The following QRICH1 variants were observed in gnomAD, a reference collection of about 807,000 sequenced individuals.
QRICH1 encodes transcriptional regulator QRICH1.
In QRICH1, 16 loss-of-function variants were observed where a neutral mutation model predicts 87.1. The observed-to-expected ratio is 0.18, with a 90% CI of 0.12 to 0.28. QRICH1 has a LOEUF of 0.28. QRICH1 is among the 10% of genes least tolerant of loss of function. The pLI, the probability that QRICH1 is intolerant of heterozygous loss-of-function variation, is 1.00. For synonymous variants in QRICH1, 367 were observed against 368.4 expected (o/e 1.00, Z 0.05); for missense variants, 647 against 951.7 (o/e 0.68, Z 4.21).
chr3:49,070,827 G>A (rs993547925), intron 2 of QRICH1, among the ~76,000 whole-genome samples: 1 of 152,072 alleles, frequency 6.6e-6, no homozygotes, highest in Admixed American at 6.6e-5. Context: ...TCTATCTCAT[G>A]GATGTCATTA....
Position 49,044,520 on chromosome 3 carries a change from T to G in QRICH1, c.1672-16A>C. 6.5e-7 allele frequency: 1 copy of G among 1,531,612 alleles called. No homozygotes were observed. Among genetic ancestry groups the G allele is most frequent in the Non-Finnish European group, 9.0e-7 (1 of 1,107,958 alleles). 94.9% of individuals were successfully genotyped at this position (1,531,612 alleles called of 1,614,324 possible). A position where few individuals can be genotyped will look rare whatever the true frequency, so the allele number is the denominator to read the frequency against. On this transcript the variant is annotated splice_polypyrimidine_tract_variant and intron_variant, in intron 5 of 9. Transcript: ENST00000395443. ...CAAAAAGATACTAAAAGAAAAACAA[T>G]TAATAGAAGTTATTGGTAGTCTCCT...
chr3:49,090,812 C>T (rs1261615274), intron 1 of QRICH1, among the ~76,000 whole-genome samples: 1 of 152,218 alleles, frequency 6.6e-6, no homozygotes, highest in African/African-American at 2.4e-5. Context: ...AATTTAATAA[C>T]AGAAATCACA....
intron 2 of QRICH1, among the ~76,000 whole-genome samples, chr3:49,068,757 T>G (rs1298125196): frequency 1.3e-5 from 2 of 151,190 alleles, no homozygotes; most frequent in African/African-American, 2.4e-5. Flanking sequence ...GCCTCCTGAG[T>G]AGCTGGGATC....
intron 2 of QRICH1, among the ~76,000 whole-genome samples, chr3:49,064,628 G>A (rs1265511833): frequency 1.3e-5 from 2 of 152,168 alleles, no homozygotes; most frequent in African/African-American, 4.8e-5. Context: ...CACTTTGGGA[G>A]GCCAAGGTGG....
At chr3:49,085,258 G>A (rs892285545) in intron 1 of QRICH1, among the ~76,000 whole-genome samples, 10 of 150,302 alleles carry the variant, frequency 6.7e-5, no homozygotes, top group African/African-American at 2.0e-4. Context: ...AAACTAAACC[G>A]GCCGAAAGAG....
At position 49,033,176 on chromosome 3, in the gene QRICH1, C is replaced by A; in HGVS notation, c.1839G>T (p.Gln613His). Residue 613 changes from glutamine to histidine, a missense_variant, in exon 7 of 10, where the codon CAG becomes CAT. Gln to His is a conservative substitution (Grantham distance 24, BLOSUM62 0). Around this residue, in one of 7 missense-constraint regions of QRICH1, gnomAD observed 187 missense variants for 309.5 expected, o/e 0.60. Coordinates refer to ENST00000395443, the MANE Select transcript of QRICH1 (RefSeq NM_198880.3). ...AGGTGGAGGGGGAGTGAGCCCCAAG[C>A]TGCTTGCACTCCCATAGCATCTCCT... The part of the protein sequence containing the change: ...VTEEMLWECK[Q>H]LGAHSPSTLL... 6.3e-7 allele frequency: 1 copy of A among 1,589,502 alleles called. No individual in the cohort carries two copies. Among genetic ancestry groups the A allele is most frequent in the Non-Finnish European group, 8.6e-7 (1 of 1,169,046 alleles).
intron 2 of QRICH1, among the ~76,000 whole-genome samples, chr3:49,065,259 C>T (rs1270561187): frequency 1.3e-5 from 2 of 151,872 alleles, no homozygotes; most frequent in East Asian, 3.9e-4. Flanking sequence ...ATTCTCCTGC[C>T]TCAGCCTCCC....
At chr3:49,089,502 AT>A (rs1231057401) in intron 1 of QRICH1, among the ~76,000 whole-genome samples, 1 of 152,198 alleles carries the variant, frequency 6.6e-6, no homozygotes, top group East Asian at 1.9e-4. Context: ...CCATCAGTAT[AT>A]ATGAAGGAAC....
intron 6 of QRICH1, among the ~76,000 whole-genome samples, chr3:49,036,974 G>C (rs1209281301): frequency 2.0e-5 from 3 of 151,300 alleles, no homozygotes; most frequent in Non-Finnish European, 2.9e-5. Flanking sequence ...TGAGGTGGGA[G>C]GATCGCTTGG....
At chr3:49,076,663 A>G in intron 2 of QRICH1, 46 bp downstream of exon 2, 1 of 1,425,804 alleles carries the variant, frequency 7.0e-7, no homozygotes, top group Non-Finnish European at 9.3e-7. Flanking sequence ...CACTGACAAC[A>G]AATAAAGTAC....
intron 1 of QRICH1, among the ~76,000 whole-genome samples, 155 bp from the exon 2 acceptor site, chr3:49,077,193 T>A (rs932683741): frequency 3.3e-5 from 5 of 152,178 alleles, no homozygotes; most frequent in African/African-American, 1.2e-4. Context: ...TTTTTTCAAT[T>A]AATGGATGTT....
chr3:49,049,500 T>C (rs1243228152), intron 3 of QRICH1, among the ~76,000 whole-genome samples: 2 of 152,010 alleles, frequency 1.3e-5, no homozygotes, highest in East Asian at 3.9e-4. Flanking sequence ...TTTCCAACTT[T>C]TTAAAATTCT....
intron 3 of QRICH1, among the ~76,000 whole-genome samples, chr3:49,051,488 A>G (rs2093369655): frequency 6.7e-6 from 1 of 149,832 alleles, no homozygotes; most frequent in Non-Finnish European, 1.5e-5. Flanking sequence ...TTTCAACTAC[A>G]TGTTCTCCCT....
intron 5 of QRICH1, among the ~76,000 whole-genome samples, chr3:49,046,195 G>A (rs935682389): frequency 1.3e-5 from 2 of 151,750 alleles, no homozygotes; most frequent in Admixed American, 6.6e-5. Context: ...TGGGATTACA[G>A]GCGTGAGCCA....
intron 2 of QRICH1, among the ~76,000 whole-genome samples, chr3:49,064,669 T>C (rs1352505248): frequency 6.6e-6 from 1 of 151,930 alleles, no homozygotes. Flanking sequence ...ATCGAGACCA[T>C]CCTGGCTAAC....
chr3:49,038,031 A>T (rs1376443057), intron 6 of QRICH1, among the ~76,000 whole-genome samples: 3 of 152,176 alleles, frequency 2.0e-5, no homozygotes, highest in African/African-American at 7.2e-5. Context: ...AAATAATGAA[A>T]TTTATAAGAC....
chr3:49,046,262 T>TAAAAAAAA (rs11374545), intron 5 of QRICH1, among the ~76,000 whole-genome samples, 163 bp downstream of exon 5: 1 of 129,928 alleles, frequency 7.7e-6, no homozygotes. Flanking sequence ...TTTTAAAACT[T>TAAAAAAAA]AAAAAAAAAA....
At chr3:49,067,048 A>G (rs879938690) in intron 2 of QRICH1, among the ~76,000 whole-genome samples, 1 of 151,896 alleles carries the variant, frequency 6.6e-6, no homozygotes, top group Non-Finnish European at 1.5e-5. Flanking sequence ...AAAAAGAGAG[A>G]GAGAAATTAC....
At chr3:49,073,284 A>T (rs1398671900) in intron 2 of QRICH1, among the ~76,000 whole-genome samples, 1 of 152,188 alleles carries the variant, frequency 6.6e-6, no homozygotes, top group African/African-American at 2.4e-5. Context: ...GGCACGGTGG[A>T]TCACACCTGT....
Sources: allele counts gnomAD v4.1 joint callset (sites outside exome capture counted in the v4.1 genomes callset), GRCh38; gene constraint gnomAD v4.1.1; regional missense constraint gnomAD v4.1.1; transcripts MANE v1.5; gene names NCBI Gene and HGNC (gene_info 2026-07-23, HGNC 2026-07-21).